The following BAZ1A variants were observed in gnomAD, a reference collection of about 807,000 sequenced individuals.
BAZ1A encodes bromodomain adjacent to zinc finger domain 1A.
In BAZ1A, 50 loss-of-function variants were observed where a neutral mutation model predicts 185.2. The observed-to-expected ratio is 0.27, with a 90% CI of 0.22 to 0.34. The LOEUF (loss-of-function observed/expected upper bound fraction) is 0.34, where lower values mean the gene tolerates loss of function less well. BAZ1A is among the 10% of genes least tolerant of loss of function. BAZ1A has a pLI of 1.00. For synonymous variants in BAZ1A, 571 were observed against 615.6 expected, an observed-to-expected ratio of 0.93 and a Z score of 1.07; for missense variants, 1,356 against 1,839.9, an observed-to-expected ratio of 0.74 and a Z score of 4.81.
At chr14:34,800,928 A>C (rs1354212687) in intron 8 of BAZ1A, among the ~76,000 whole-genome samples, 166 bp downstream of exon 8, 1 of 152,198 alleles carries the variant, frequency 6.6e-6, no homozygotes, top group East Asian at 1.9e-4. Context: ...CTTATTTATA[A>C]AACAAGCAAA....
intron 7 of BAZ1A, among the ~76,000 whole-genome samples, chr14:34,802,284 A>G (rs1460218905): frequency 6.6e-6 from 1 of 152,074 alleles, no homozygotes; most frequent in African/African-American, 2.4e-5. Flanking sequence ...CTAAAGTGCA[A>G]TGTGGCATGA....
chr14:34,777,354 T>C (rs1371183533), intron 17 of BAZ1A, among the ~76,000 whole-genome samples: 1 of 152,190 alleles, frequency 6.6e-6, no homozygotes, highest in Non-Finnish European at 1.5e-5. Context: ...ATTTAAATTG[T>C]AAAAATCCGG....
intron 10 of BAZ1A, 61 bp downstream of exon 10, chr14:34,795,609 G>A: frequency 8.6e-7 from 1 of 1,157,118 alleles, no homozygotes; most frequent in South Asian, 1.7e-5. Context: ...GATTTCATCA[G>A]CAAAGCCACA....
intron 7 of BAZ1A, 101 bp from the exon 8 acceptor site, chr14:34,801,294 AT>A: frequency 1.2e-6 from 1 of 811,482 alleles, no homozygotes; most frequent in Admixed American, 3.0e-5. Flanking sequence ...TACTAAAATG[AT>A]TTTTTTATTT....
At chr14:34,860,659 C>A (rs553687680) in intron 3 of BAZ1A, among the ~76,000 whole-genome samples, 1 of 151,828 alleles carries the variant, frequency 6.6e-6, no homozygotes, top group Non-Finnish European at 1.5e-5. Context: ...GTAATCCCAG[C>A]ACTTTGAGAG....
intron 3 of BAZ1A, among the ~76,000 whole-genome samples, chr14:34,856,347 C>T (rs956096847): frequency 1.5e-4 from 2 of 13,370 alleles, no homozygotes; most frequent in Non-Finnish European, 0.014. Context: ...AGCACAGTGG[C>T]GCAATATAGC....
At chr14:34,781,340 A>C (rs925943079) in intron 16 of BAZ1A, among the ~76,000 whole-genome samples, 2 of 152,198 alleles carry the variant, frequency 1.3e-5, no homozygotes, top group African/African-American at 4.8e-5. Flanking sequence ...TTATGCAATC[A>C]TTACCACTGT....
At chr14:34,786,999 A>C (rs1880501228) in intron 12 of BAZ1A, among the ~76,000 whole-genome samples, 1 of 152,202 alleles carries the variant, frequency 6.6e-6, no homozygotes, top group Non-Finnish European at 1.5e-5. Context: ...AAAAAGTTAA[A>C]GATGGCACTA....
chr14:34,837,653 G>A (rs1315832692), intron 3 of BAZ1A, among the ~76,000 whole-genome samples: 1 of 152,116 alleles, frequency 6.6e-6, no homozygotes, highest in Non-Finnish European at 1.5e-5. Flanking sequence ...AACCTCTTTA[G>A]TATTCAAAAG....
chr14:34,802,765 T>C (rs1056939937), intron 7 of BAZ1A, 89 bp downstream of exon 7: 3 of 1,375,468 alleles, frequency 2.2e-6, no homozygotes, highest in African/African-American at 2.9e-5. Context: ...CTCTAGGCTA[T>C]GGATGTGAGG....
Position 34,776,183 on chromosome 14 carries a change from T to C in BAZ1A, c.2569A>G (p.Thr857Ala). ...GACATCAAAGGCTCTCCAGTTTTAG[T>C]GGATACCTGAGGATCTTGAGACTGT... ...NVQSQDPQVS[T>A]KTGEPLMSES... is the part of the protein sequence containing the mutation. Residue 857 changes from threonine to alanine, a missense_variant, in exon 18 of 27, where the codon ACT becomes GCT. Thr to Ala is a moderately conservative substitution (Grantham distance 58). Coordinates refer to ENST00000360310, the MANE Select transcript of BAZ1A (RefSeq NM_013448.3). The C allele has an allele frequency of 6.2e-7, 1 of 1,614,188 alleles. No individual in the cohort carries two copies. The highest frequency in any genetic ancestry group is 8.5e-7 in the Non-Finnish European group (1 of 1,180,018).
chr14:34,874,655 C>T lies in BAZ1A; in HGVS notation c.-51G>A, dbSNP rs1374543382. On this transcript the variant is annotated 5_prime_UTR_variant, in exon 2 of 27. Transcript: ENST00000360310. This position sits in a 1 kb window ranked among gnomAD's most constrained non-coding sequence, Gnocchi z 4.7. ...GGACCCTCGGCCGCCCGCGCCGGCC[C>T]CGCTTCCCTATCAAAATTGGAGGGA... The T allele has an allele frequency of 6.7e-7, 1 of 1,482,660 alleles. No homozygotes were observed. Among genetic ancestry groups the T allele is most frequent in the Admixed American group, 1.9e-5 (1 of 52,378 alleles). The allele number at this position is 1,482,660 out of a possible 1,614,324, so 91.8% of individuals were successfully genotyped here.
At chr14:34,872,913 T>TAAAAAAAAAAAAAAAAAAAAAA (rs35955993) in intron 2 of BAZ1A, among the ~76,000 whole-genome samples, 1 of 76,180 alleles carries the variant, frequency 1.3e-5, no homozygotes, top group African/African-American at 7.0e-5. Flanking sequence ...TTTAAAATCC[T>TAAAAAAAAAAAAAAAAAAAAAA]AAAAAAAAAA....
chr14:34,778,131 T>C (rs1390567182), intron 17 of BAZ1A, among the ~76,000 whole-genome samples: 1 of 152,200 alleles, frequency 6.6e-6, no homozygotes, highest in African/African-American at 2.4e-5. Flanking sequence ...ACATTTCCCA[T>C]AGTAGGCACA....
At chr14:34,871,225 A>G (rs934184543) in intron 2 of BAZ1A, among the ~76,000 whole-genome samples, 6 of 152,230 alleles carry the variant, frequency 3.9e-5, no homozygotes, top group Admixed American at 3.9e-4. Context: ...AAATTAAAGA[A>G]TATTTTTATT....
At chr14:34,780,085 A>G in intron 17 of BAZ1A, 101 bp downstream of exon 17, 1 of 1,476,698 alleles carries the variant, frequency 6.8e-7, no homozygotes, top group Non-Finnish European at 9.2e-7. Flanking sequence ...TGGAATCACA[A>G]ATGAAAGCAA....
intron 4 of BAZ1A, among the ~76,000 whole-genome samples, chr14:34,820,905 G>A (rs192191209): frequency 1.9e-4 from 29 of 152,208 alleles, no homozygotes; most frequent in Admixed American, 3.3e-4. Context: ...TCTTTATTCT[G>A]ATTCATTGAT....
chr14:34,862,830 T>A (rs918140373), intron 2 of BAZ1A, among the ~76,000 whole-genome samples: 4 of 150,600 alleles, frequency 2.7e-5, no homozygotes, highest in African/African-American at 7.3e-5. Flanking sequence ...AAATAAAAGG[T>A]ACCTATAGAA....
intron 3 of BAZ1A, among the ~76,000 whole-genome samples, chr14:34,848,812 C>T (rs767594418): frequency 8.5e-5 from 13 of 152,052 alleles, no homozygotes; most frequent in Non-Finnish European, 1.8e-4. Flanking sequence ...TCCAATTCGG[C>T]CATTTTACTG....
Sources: gnomAD v4.1 joint callset for allele counts (sites outside exome capture counted in the v4.1 genomes callset) on GRCh38, gnomAD v4.1.1 for gene constraint, Gnocchi (gnomAD v3.1) non-coding constraint, MANE v1.5 for transcripts, NCBI Gene and HGNC (gene_info 2026-07-23, HGNC 2026-07-21) for gene names.